Variants in ZRANB3 observed in about 807,000 individuals in gnomAD.
ZRANB3 encodes zinc finger RANBP2-type containing 3, also known as DNA annealing helicase and endonuclease ZRANB3.
A neutral mutation model predicts 133.8 loss-of-function variants in ZRANB3; 125 were observed. The ratio of observed to expected loss-of-function variants is 0.93; its 90% CI spans 0.81 to 1.08. The LOEUF is 1.08. ZRANB3 is among the 50% of genes least tolerant of loss of function. ZRANB3 has a pLI of 0.00. For synonymous variants in ZRANB3, 387 were observed against 432.7 expected, an observed-to-expected ratio of 0.89 and a Z score of 1.31; for missense variants, 1,229 against 1,275.5, an observed-to-expected ratio of 0.96 and a Z score of 0.56.
chr2:135,508,671 G>C (rs7587348), intron 1 of ZRANB3, among the ~76,000 whole-genome samples: 40,578 of 152,018 alleles, frequency 0.27, 9,050 homozygotes, highest in African/African-American at 0.6. Context: ...GTGGTACAAT[G>C]TAATGAATAG....
At position 135,514,364 on chromosome 2, in the gene ZRANB3, G is replaced by A. The variant is rs7304500; in HGVS notation, c.-7-9868C>T. Among the ~76,000 whole-genome samples, 162 of 152,232 alleles carry A rather than the reference G, an allele frequency of 1.1e-3. 1 individual carries two copies. Among genetic ancestry groups the A allele is most frequent in the Admixed American group, 5.5e-3 (84 of 15,280 alleles). Reference sequence around the variant, plus strand: ...CTTGAAGAGGTCCTTCACCTCCATTGTAAGTTGTATTCCTAGGCATTTCAT... The same window carrying A: ...CTTGAAGAGGTCCTTCACCTCCATTATAAGTTGTATTCCTAGGCATTTCAT... On this transcript the variant is annotated intron_variant, in intron 1 of 20. Coordinates refer to ENST00000264159, the MANE Select transcript of ZRANB3 (RefSeq NM_032143.4).
intron 6 of ZRANB3, among the ~76,000 whole-genome samples, chr2:135,343,199 A>C (rs1684774644): frequency 6.8e-6 from 1 of 148,024 alleles, no homozygotes; most frequent in Admixed American, 6.6e-5. Flanking sequence ...AAAAAAAAAA[A>C]AAAAAACAGG....
intron 8 of ZRANB3, among the ~76,000 whole-genome samples, chr2:135,280,862 T>C (rs1450927581): frequency 6.6e-6 from 1 of 152,222 alleles, no homozygotes; most frequent in East Asian, 1.9e-4. Flanking sequence ...AGCCCTCACC[T>C]TGGCCTTCAG....
At chr2:135,357,244 G>A (rs1685478175) in intron 3 of ZRANB3, among the ~76,000 whole-genome samples, 1 of 152,014 alleles carries the variant, frequency 6.6e-6, no homozygotes, top group Non-Finnish European at 1.5e-5. Flanking sequence ...GGGACTACAG[G>A]CGAGTGCCAC....
In ZRANB3 at chr2:135,230,680, T is replaced by G. The variant is rs770362471; in HGVS notation, c.1787A>C (p.Gln596Pro). 1.9e-6 allele frequency: 3 copies of G among 1,613,264 alleles called. No homozygotes were observed. Among genetic ancestry groups the G allele is most frequent in the Non-Finnish European group, 2.5e-6 (3 of 1,179,726 alleles). ...GAGTGGAGTTCGGATTTGCTTGGAC[T>G]GGGATGGTGTCTCTTCCGACGGACT... is the stretch of plus-strand genomic sequence containing the variant. Reference protein sequence around the residue: ...HCSPSEETPSQSKQIRTPLVE... With the variant: ...HCSPSEETPSPSKQIRTPLVE... The change falls in exon 13 of 21, where the codon CAG becomes CCG. Residue 596 changes from glutamine (Q) to proline (P), a missense_variant. Physicochemically the swap from Gln to Pro is moderately conservative, Grantham distance 76. Coordinates refer to ENST00000264159, the MANE Select transcript of ZRANB3 (RefSeq NM_032143.4).
intron 2 of ZRANB3, among the ~76,000 whole-genome samples, chr2:135,497,759 ATAAG>A (rs1260231936): frequency 6.6e-6 from 1 of 152,206 alleles, no homozygotes; most frequent in Non-Finnish European, 1.5e-5. Context: ...AAATTTAAAA[ATAAG>A]TAAGTGAGGC....
intron 2 of ZRANB3, among the ~76,000 whole-genome samples, chr2:135,465,381 G>T (rs1244478479): frequency 6.6e-6 from 1 of 151,026 alleles, no homozygotes; most frequent in African/African-American, 2.4e-5. Flanking sequence ...TTTAGTTCTG[G>T]TCCTGTTTTA....
chr2:135,409,643 G>C (rs1688212655), intron 2 of ZRANB3, among the ~76,000 whole-genome samples: 1 of 151,986 alleles, frequency 6.6e-6, no homozygotes, highest in South Asian at 2.1e-4. Context: ...GCCAGAGGAA[G>C]AGAAAGAAAT....
At chr2:135,266,180 G>A (rs1228776082) in intron 11 of ZRANB3, among the ~76,000 whole-genome samples, 7 of 152,158 alleles carry the variant, frequency 4.6e-5, no homozygotes, top group African/African-American at 1.7e-4. Context: ...CCGCACTCCT[G>A]TGTGACACAG....
intron 2 of ZRANB3, among the ~76,000 whole-genome samples, chr2:135,466,611 CTTTTTTA>C (rs1691012435): frequency 6.6e-6 from 1 of 151,192 alleles, no homozygotes; most frequent in Admixed American, 6.6e-5. Flanking sequence ...TCTCAGTTCT[CTTTTTTA>C]TTAAATGATC....
At chr2:135,481,821 G>C (rs963040984) in intron 2 of ZRANB3, among the ~76,000 whole-genome samples, 2 of 151,176 alleles carry the variant, frequency 1.3e-5, no homozygotes, top group Admixed American at 1.3e-4. Flanking sequence ...TCCAGTTTCA[G>C]CTTTCTACAT....
chr2:135,440,525 G>A (rs1689734103), intron 2 of ZRANB3, among the ~76,000 whole-genome samples: 1 of 152,188 alleles, frequency 6.6e-6, no homozygotes, highest in African/African-American at 2.4e-5. Context: ...TGAAGATGGG[G>A]GAGCCTATAT....
At position 135,353,587 on chromosome 2, in the gene ZRANB3, G is replaced by C; in HGVS notation, c.222C>G (p.Tyr74Ter). 1 of 1,598,116 alleles carries C rather than the reference G, an allele frequency of 6.3e-7. No homozygotes were observed. Among genetic ancestry groups the C allele is most frequent in the Non-Finnish European group, 8.5e-7 (1 of 1,171,276 alleles). ...ACAGAGGCCATTCCTCTTTATAGAAGTAAGTAATTCCAATTGCCTGGATTG... is the reference window on the plus strand; with the variant it reads ...ACAGAGGCCATTCCTCTTTATAGAACTAAGTAATTCCAATTGCCTGGATTG... ...GKTIQAIGITYFYKEEWPLLI... is the reference protein window; with the variant it reads ...GKTIQAIGIT The change falls in exon 4 of 21, where the codon TAC becomes TAG. Residue 74 changes from tyrosine to a stop codon, truncating the protein, a stop_gained. Coordinates refer to ENST00000264159, the MANE Select transcript of ZRANB3 (RefSeq NM_032143.4). LOFTEE classifies it high-confidence loss of function.
At chr2:135,368,850 G>A (rs543260603) in intron 3 of ZRANB3, among the ~76,000 whole-genome samples, 10 of 151,746 alleles carry the variant, frequency 6.6e-5, no homozygotes, top group South Asian at 2.1e-4. Context: ...AACCTAAAAC[G>A]TAAATTTCAA....
intron 8 of ZRANB3, among the ~76,000 whole-genome samples, chr2:135,305,003 G>T (rs1375825594): frequency 6.6e-6 from 1 of 151,906 alleles, no homozygotes; most frequent in Non-Finnish European, 1.5e-5. Context: ...TTGAGATGGG[G>T]TCTCACTATG....
At chr2:135,451,340 T>C (rs1257779323) in intron 2 of ZRANB3, among the ~76,000 whole-genome samples, 1 of 151,946 alleles carries the variant, frequency 6.6e-6, no homozygotes, top group Non-Finnish European at 1.5e-5. Context: ...GGCAGACAGA[T>C]CATCTGAGAT....
intron 8 of ZRANB3, among the ~76,000 whole-genome samples, chr2:135,296,581 G>A (rs1254350113): frequency 1.3e-5 from 2 of 151,900 alleles, no homozygotes; most frequent in East Asian, 1.9e-4. Context: ...CTCTCAACTC[G>A]TCAAAGTCGT....
intron 7 of ZRANB3, among the ~76,000 whole-genome samples, chr2:135,315,103 T>C (rs1213819801): frequency 1.3e-5 from 2 of 152,138 alleles, no homozygotes; most frequent in East Asian, 1.9e-4. Context: ...TCTGTTGCAA[T>C]TGAAGTTCTT....
At chr2:135,490,566 C>T (rs1692326846) in intron 2 of ZRANB3, among the ~76,000 whole-genome samples, 1 of 152,136 alleles carries the variant, frequency 6.6e-6, no homozygotes, top group African/African-American at 2.4e-5. Context: ...ATCAGTACAG[C>T]TGCCATGGAA....
Sources: allele counts gnomAD v4.1 joint callset (sites outside exome capture counted in the v4.1 genomes callset), GRCh38; gene constraint gnomAD v4.1.1; transcripts MANE v1.5; gene names NCBI Gene and HGNC (gene_info 2026-07-23, HGNC 2026-07-21).